GNA14: variants seen among roughly 807,000 people sequenced by gnomAD.
GNA14 encodes the protein guanine nucleotide-binding protein subunit alpha-14.
In GNA14, 50 loss-of-function variants were observed where a neutral mutation model predicts 42.0. That is an observed-to-expected ratio of 1.19 (90% confidence interval 0.95 to 1.51). The LOEUF (loss-of-function observed/expected upper bound fraction) is 1.51. Ranked by LOEUF, GNA14 falls within the 40% of genes most tolerant of loss-of-function variation. The pLI, the probability that GNA14 is intolerant of heterozygous loss-of-function variation, is 0.00. For missense variants in GNA14, 473 were observed against 446.2 expected (o/e 1.06, Z -0.54); for synonymous variants, 173 against 163.1 (o/e 1.06, Z -0.46).
intron 6 of GNA14, among the ~76,000 whole-genome samples, chr9:77,425,167 A>G (rs1457746417): frequency 4.6e-5 from 7 of 152,070 alleles, no homozygotes; most frequent in Admixed American, 4.6e-4. Context: ...AGCAGAGGAT[A>G]TGACATAGCA....
At chr9:77,601,860 A>G (rs2117918071) in intron 1 of GNA14, among the ~76,000 whole-genome samples, 1 of 152,278 alleles carries the variant, frequency 6.6e-6, no homozygotes, top group African/African-American at 2.4e-5. Flanking sequence ...CTTGGTAACA[A>G]TGTTTTACTT....
chr9:77,428,083 C>T (rs148076988), intron 5 of GNA14, among the ~76,000 whole-genome samples: 19,729 of 114,064 alleles, frequency 0.17, 1,714 homozygotes, highest in African/African-American at 0.27. Flanking sequence ...TTTTTTTTTT[C>T]TTTTTTTTTT....
At chr9:77,583,953 A>T (rs1409015787) in intron 1 of GNA14, among the ~76,000 whole-genome samples, 1 of 152,212 alleles carries the variant, frequency 6.6e-6, no homozygotes, top group Non-Finnish European at 1.5e-5. Context: ...CTGCAGGAAT[A>T]AAGTATCTGA....
At chr9:77,443,297 A>G (rs1835765256) in intron 2 of GNA14, among the ~76,000 whole-genome samples, 1 of 152,236 alleles carries the variant, frequency 6.6e-6, no homozygotes, top group Non-Finnish European at 1.5e-5. Context: ...GCATATCTAG[A>G]ATATTTAATT....
intron 1 of GNA14, among the ~76,000 whole-genome samples, chr9:77,531,397 T>A (rs112960984): frequency 0.018 from 2,784 of 152,254 alleles, 34 homozygotes; most frequent in Non-Finnish European, 0.03. Flanking sequence ...AAACCCTATA[T>A]GAGAAGTGAG....
chr9:77,618,884 C>A (rs916984361), intron 1 of GNA14, among the ~76,000 whole-genome samples: 1 of 150,996 alleles, frequency 6.6e-6, no homozygotes, highest in Non-Finnish European at 1.5e-5. Flanking sequence ...CCGCCCGCCT[C>A]GGCCTCCCAA....
intron 2 of GNA14, among the ~76,000 whole-genome samples, chr9:77,437,986 C>T (rs1835666441): frequency 6.6e-6 from 1 of 152,078 alleles, no homozygotes; most frequent in African/African-American, 2.4e-5. Flanking sequence ...AAAGTGGAAC[C>T]TAGTGAGATA....
chr9:77,452,826 T>C (rs1316154182), intron 2 of GNA14, among the ~76,000 whole-genome samples: 2 of 151,690 alleles, frequency 1.3e-5, no homozygotes, highest in African/African-American at 4.8e-5. Context: ...ATGAATGACT[T>C]TGTGCCCTTT....
Position 77,535,560 on chromosome 9 carries a change from C to CA in GNA14, c.125-6308dup, listed in dbSNP as rs149400145. Among the ~76,000 whole-genome samples the CA allele has an allele frequency of 8.5e-3, 1,293 of 151,826 alleles. 11 individuals are homozygous for CA. The highest frequency in any genetic ancestry group is 0.013 in the Non-Finnish European group (870 of 67,876). ...GAGACTCTGTCTAGGAAAACAAAAA[C>CA]AAAAAACAAAAAAGATACTGATTTA... On this transcript the variant is annotated intron_variant, in intron 1 of 6. Coordinates refer to ENST00000341700, the MANE Select transcript of GNA14 (RefSeq NM_004297.4).
chr9:77,525,838 G>A (rs746718569), intron 2 of GNA14, among the ~76,000 whole-genome samples: 17 of 149,146 alleles, frequency 1.1e-4, no homozygotes, highest in East Asian at 1.0e-3. Flanking sequence ...GCACCCGGCC[G>A]TGCCCCAGGA....
chr9:77,614,923 A>T (rs1823786790), intron 1 of GNA14, among the ~76,000 whole-genome samples: 1 of 152,232 alleles, frequency 6.6e-6, no homozygotes, highest in Non-Finnish European at 1.5e-5. Flanking sequence ...GTCATAATTT[A>T]CTGTAAATGC....
intron 1 of GNA14, among the ~76,000 whole-genome samples, chr9:77,587,918 G>A (rs534301935): frequency 6.6e-6 from 1 of 152,242 alleles, no homozygotes; most frequent in East Asian, 1.9e-4. Context: ...AGGCTCTAAG[G>A]GAGGCTTCAT....
chr9:77,498,440 T>C (rs1162893783), intron 2 of GNA14, among the ~76,000 whole-genome samples: 2 of 151,572 alleles, frequency 1.3e-5, no homozygotes, highest in Non-Finnish European at 2.9e-5. Flanking sequence ...TTTGGGTCTG[T>C]TTTATTCACT....
chr9:77,495,149 C>T (rs546561925), intron 2 of GNA14, among the ~76,000 whole-genome samples: 8 of 152,032 alleles, frequency 5.3e-5, no homozygotes, highest in Non-Finnish European at 8.8e-5. Context: ...AGAGCAAACA[C>T]GAAGAAATAG....
intron 1 of GNA14, among the ~76,000 whole-genome samples, chr9:77,629,382 T>G (rs1008933185): frequency 6.6e-6 from 1 of 152,238 alleles, no homozygotes; most frequent in African/African-American, 2.4e-5. Flanking sequence ...TTACTGGGTA[T>G]ATACCCAAAG....
In GNA14 at chr9:77,557,180, C is replaced by T. The variant is rs149890799; in HGVS notation, c.125-27927G>A. Among the ~76,000 whole-genome samples, 967 of 151,490 alleles carry T rather than the reference C, an allele frequency of 6.4e-3. 9 individuals are homozygous for T. The highest frequency in any genetic ancestry group is 0.021 in the African/African-American group (884 of 41,210). ...AGGAGGCATGCACTACATGCATATA[C>T]GGAATAAATGAATTAATGAATAAGT... On this transcript the variant is annotated intron_variant, in intron 1 of 6. Coordinates refer to ENST00000341700, the MANE Select transcript of GNA14 (RefSeq NM_004297.4).
intron 1 of GNA14, among the ~76,000 whole-genome samples, chr9:77,615,876 T>C (rs1209472050): frequency 6.6e-6 from 1 of 150,630 alleles, no homozygotes; most frequent in Non-Finnish European, 1.5e-5. Flanking sequence ...GGTTTTTTTT[T>C]TGGAGAAATC....
At chr9:77,443,916 A>G (rs1174419240) in intron 2 of GNA14, among the ~76,000 whole-genome samples, 2 of 152,188 alleles carry the variant, frequency 1.3e-5, no homozygotes, top group African/African-American at 4.8e-5. Flanking sequence ...CAGGTGTTGG[A>G]GGCTAGAGTA....
intron 6 of GNA14, 129 bp downstream of exon 6, chr9:77,425,433 T>G: frequency 1.6e-6 from 1 of 612,114 alleles, no homozygotes; most frequent in Non-Finnish European, 2.9e-6. Context: ...TGTTTGAAGG[T>G]GGGAATAGGG....
Sources: allele counts gnomAD v4.1 joint callset (sites outside exome capture counted in the v4.1 genomes callset), GRCh38; gene constraint gnomAD v4.1.1; transcripts MANE v1.5; gene names NCBI Gene and HGNC (gene_info 2026-07-23, HGNC 2026-07-21).